ALDH7A1: variants seen among roughly 807,000 people sequenced by gnomAD.
ALDH7A1 encodes aldehyde dehydrogenase 7 family member A1.
In ALDH7A1, 63 loss-of-function variants were observed where a neutral mutation model predicts 79.9. The observed-to-expected ratio is 0.79, with a 90% CI of 0.64 to 0.97. ALDH7A1 has a LOEUF of 0.97. Ranked by LOEUF, ALDH7A1 falls within the 50% of genes least tolerant of loss-of-function variation. The pLI is 0.00. For missense variants in ALDH7A1, 627 were observed against 665.2 expected (o/e 0.94, Z 0.63); for synonymous variants, 240 against 231.2 (o/e 1.04, Z -0.34).
At chr5:126,586,368 A>C (rs1017745254) in intron 3 of ALDH7A1, 3 of 152,228 alleles carry the variant, frequency 2.0e-5, no homozygotes, top group Non-Finnish European at 4.4e-5. Flanking sequence ...AAGTTGGTTA[A>C]TTTCAACTCA....
chr5:126,576,293 A>G (rs1388909410), intron 6 of ALDH7A1, among the ~76,000 whole-genome samples: 1 of 151,566 alleles, frequency 6.6e-6, no homozygotes, highest in Non-Finnish European at 1.5e-5. Flanking sequence ...AATTGTGGAC[A>G]AGCAGAGTTT....
At chr5:126,575,842 T>G (rs1333841953) in intron 6 of ALDH7A1, among the ~76,000 whole-genome samples, 2 of 152,194 alleles carry the variant, frequency 1.3e-5, no homozygotes, top group African/African-American at 2.4e-5. Context: ...ACAATGAACC[T>G]TTTTAGATTA....
rs1257783425 is a variant in ALDH7A1, at chr5:126,557,125, G to GT, written c.1009-1111dup. 7.9e-5 allele frequency among the ~76,000 whole-genome samples: 12 copies of GT among 152,190 alleles called. No individual in the cohort carries two copies. In the South Asian group the frequency reaches 8.3e-4, roughly 11 times the overall value. On this transcript the variant is annotated intron_variant, in intron 11 of 17. Coordinates refer to ENST00000409134, the MANE Select transcript of ALDH7A1 (RefSeq NM_001182.5). ...AGGGTATAATCATTTGGAGTGCATG[G>GT]TTTTTTCTTAGCTTTAACGTAATCT...
In ALDH7A1 at chr5:126,544,646, A is replaced by C. The variant is rs570223278; in HGVS notation, c.*319T>G. ...TTCTCCTCGGTTCTGTATTTTCCCA[A>C]ATTCCTACCCTGGTACGTACTATTT... On this transcript the variant is annotated 3_prime_UTR_variant, in exon 18 of 18. Coordinates refer to ENST00000409134, the MANE Select transcript of ALDH7A1 (RefSeq NM_001182.5). 5.0e-4 allele frequency: 175 copies of C among 349,450 alleles called. 3 individuals are homozygous for C. The highest frequency in any genetic ancestry group is 4.2e-3 in the South Asian group (159 of 37,478). The allele number at this position is 349,450 out of a possible 1,614,324, so 21.6% of individuals were successfully genotyped here.
At chr5:126,579,993 TTTAATTG>T (rs79554706) in intron 5 of ALDH7A1, 21,115 of 167,214 alleles carry the variant, frequency 0.13, 1,628 homozygotes, top group African/African-American at 0.23. Flanking sequence ...TGAGAAAAAT[TTTAATTG>T]TTAATTGTGA....
At chr5:126,562,743 G>T (rs1750446261) in intron 9 of ALDH7A1, among the ~76,000 whole-genome samples, 1 of 152,110 alleles carries the variant, frequency 6.6e-6, no homozygotes, top group Admixed American at 6.5e-5. Flanking sequence ...AGCTACTCAG[G>T]AGGCTGAGGC....
chr5:126,559,322 G>A lies in ALDH7A1; in HGVS notation c.926C>T (p.Ala309Val), dbSNP rs1027541359. 1.2e-6 allele frequency: 2 copies of A among 1,613,546 alleles called. No homozygotes were observed. Among genetic ancestry groups the A allele is most frequent in the East Asian group, 2.2e-5 (1 of 44,858 alleles). The change falls in exon 11 of 18, where the codon GCA becomes GTA. Residue 309 changes from alanine to valine, a missense_variant. Transcript: ENST00000409134. ...GNNAIIAFED[A>V]DLSLVVPSAL... ...TGATGGAACAACTAAGCTGAGGTCTGCATCTTCAAAGGCTTAGGAAAGCAC... is the reference window on the plus strand; with the variant it reads ...TGATGGAACAACTAAGCTGAGGTCTACATCTTCAAAGGCTTAGGAAAGCAC...
chr5:126,582,182 G>C, intron 5 of ALDH7A1: 1 of 398,476 alleles, frequency 2.5e-6, no homozygotes, highest in Non-Finnish European at 4.4e-6. Flanking sequence ...ACAAGAAATT[G>C]AAAGCATTCA....
chr5:126,568,398 C>T (rs756262373), intron 8 of ALDH7A1, 42 bp from the exon 9 acceptor site: 1 of 1,525,228 alleles, frequency 6.6e-7, no homozygotes, highest in South Asian at 1.1e-5. Flanking sequence ...AGCAGAGAAA[C>T]CCAGCAATTA....
At chr5:126,575,138 T>C (rs543861182) in intron 7 of ALDH7A1, among the ~76,000 whole-genome samples, 1 of 152,228 alleles carries the variant, frequency 6.6e-6, no homozygotes, top group African/African-American at 2.4e-5. Flanking sequence ...AATTGCAAAA[T>C]TTTCCTTTCC....
intron 12 of ALDH7A1, chr5:126,555,074 G>C (rs955974264): frequency 5.7e-5 from 9 of 157,900 alleles, no homozygotes; most frequent in Non-Finnish European, 1.1e-4. Flanking sequence ...GGGAGCAAGA[G>C]GGAAAATAGA....
chr5:126,586,956 G>C (rs1343078815), intron 3 of ALDH7A1: 1 of 152,172 alleles, frequency 6.6e-6, no homozygotes, highest in East Asian at 1.9e-4. Context: ...CTTGGTACCT[G>C]TAATCCCAGC....
At chr5:126,572,957 T>C (rs915056305) in intron 7 of ALDH7A1, among the ~76,000 whole-genome samples, 7 of 152,204 alleles carry the variant, frequency 4.6e-5, no homozygotes, top group African/African-American at 1.7e-4. Flanking sequence ...CGAAGACCTC[T>C]TTGTAGCACT....
In ALDH7A1 at chr5:126,571,474, C is replaced by CA. The variant is rs66827025; in HGVS notation, c.696-616dup. ...CCTGGAAGACAGGGAGACTGTATCT[C>CA]AAAAAAAAAAAAAAGAATCTTGAGA... On this transcript the variant is annotated intron_variant, in intron 7 of 17. Coordinates refer to ENST00000409134, the MANE Select transcript of ALDH7A1 (RefSeq NM_001182.5). Among the ~76,000 whole-genome samples, 383 of 114,924 alleles carry CA rather than the reference C, an allele frequency of 3.3e-3. 1 individual carries two copies. Among genetic ancestry groups the CA allele is most frequent in the Middle Eastern group, 0.014 (3 of 216 alleles). The allele number at this position is 114,924 out of a possible 152,430, so 75.4% of individuals were successfully genotyped here.
In ALDH7A1 at chr5:126,582,946, A is replaced by T; in HGVS notation, c.422T>A (p.Val141Glu). The T allele has an allele frequency of 6.2e-7, 1 of 1,613,972 alleles. No homozygotes were observed. Among genetic ancestry groups the T allele is most frequent in the Non-Finnish European group, 8.5e-7 (1 of 1,179,956 alleles). ...CTCCTGAACTTCACCCACACCTTCCACTAAGATTTTCCCCATCTCCAAAGA... is the reference window on the plus strand; with the variant it reads ...CTCCTGAACTTCACCCACACCTTCCTCTAAGATTTTCCCCATCTCCAAAGA... Reference protein sequence around the residue: ...LVSLEMGKILVEGVGEVQEYV... With the variant: ...LVSLEMGKILEEGVGEVQEYV... The change falls in exon 5 of 18, where the codon GTG becomes GAG. Residue 141 changes from valine (V) to glutamate (E), a missense_variant. Val to Glu is a moderately radical substitution (Grantham distance 121). Transcript: ENST00000409134.
chr5:126,571,068 C>CTCTG, intron 7 of ALDH7A1: 1 of 531,954 alleles, frequency 1.9e-6, no homozygotes, highest in Non-Finnish European at 3.4e-6. Flanking sequence ...TTATACCAGA[C>CTCTG]TCTGTCCTTC....
At chr5:126,573,108 A>T in intron 7 of ALDH7A1, among the ~76,000 whole-genome samples, 1 of 121,710 alleles carries the variant, frequency 8.2e-6, no homozygotes. Context: ...TTCTTCAACC[A>T]TTTAAAGCAA....
intron 17 of ALDH7A1, 77 bp from the exon 18 acceptor site, chr5:126,545,096 C>T (rs1485775743): frequency 9.1e-7 from 1 of 1,095,216 alleles, no homozygotes; most frequent in Non-Finnish European, 1.4e-6. Context: ...TAAAATGTAG[C>T]AGATCTGTAT....
At chr5:126,572,539 T>C (rs922315654) in intron 7 of ALDH7A1, among the ~76,000 whole-genome samples, 5 of 152,236 alleles carry the variant, frequency 3.3e-5, no homozygotes, top group African/African-American at 1.2e-4. Flanking sequence ...GTGTCATCAA[T>C]GTTTCTTAGA....
Sources: gnomAD v4.1 joint callset for allele counts (sites outside exome capture counted in the v4.1 genomes callset) on GRCh38, gnomAD v4.1.1 for gene constraint, MANE v1.5 for transcripts, NCBI Gene and HGNC (gene_info 2026-07-23, HGNC 2026-07-21) for gene names.